C3orf20: variants seen among roughly 807,000 people sequenced by gnomAD.
C3orf20 encodes the protein uncharacterized protein C3orf20.
C3orf20 carries 76 observed loss-of-function variants against 88.3 expected under a neutral mutation model. That is an observed-to-expected ratio of 0.86 (90% CI 0.72 to 1.04). The LOEUF (loss-of-function observed/expected upper bound fraction) is 1.04. Among genes scored for constraint, C3orf20 ranks in the 50% least tolerant of loss-of-function variants. C3orf20 has a pLI of 0.00. For missense variants in C3orf20, 1,056 were observed against 1,123.3 expected (o/e 0.94, Z 0.86); for synonymous variants, 436 against 437.4 (o/e 1.00, Z 0.04).
In C3orf20 at chr3:14,754,257, G is replaced by A. The variant is rs1478521007; in HGVS notation, c.1941-3114G>A. Among the ~76,000 whole-genome samples the A allele has an allele frequency of 3.9e-5, 6 of 152,298 alleles. No homozygotes were observed. In the East Asian group the frequency reaches 1.2e-3, roughly 29 times the overall value. On this transcript the variant is annotated intron_variant, in intron 12 of 16. Transcript: ENST00000253697. ...AAATGCACCTGACAGATGCTTCCCA[G>A]GAGGGACTGCTCCAGCCCTGAGAAT...
chr3:14,762,035 A>G (rs1351984822), intron 15 of C3orf20, among the ~76,000 whole-genome samples: 2 of 152,038 alleles, frequency 1.3e-5, no homozygotes, highest in Non-Finnish European at 2.9e-5. Flanking sequence ...CCCTACCACC[A>G]CCTCATGTGC....
intron 15 of C3orf20, among the ~76,000 whole-genome samples, chr3:14,764,342 G>A (rs985154137): frequency 6.6e-6 from 1 of 152,148 alleles, no homozygotes; most frequent in Non-Finnish European, 1.5e-5. Flanking sequence ...ATAGCCAAGT[G>A]GGTTGATGGT....
intron 4 of C3orf20, among the ~76,000 whole-genome samples, chr3:14,687,519 G>A (rs1291358604): frequency 6.6e-6 from 1 of 152,158 alleles, no homozygotes; most frequent in African/African-American, 2.4e-5. Context: ...GCCAGACAGA[G>A]CTCTGCACCT....
chr3:14,696,989 T>C (rs918978904), intron 5 of C3orf20, among the ~76,000 whole-genome samples: 5 of 152,172 alleles, frequency 3.3e-5, no homozygotes, highest in African/African-American at 1.2e-4. Context: ...TTTAAATATG[T>C]CATGCCACTC....
intron 15 of C3orf20, among the ~76,000 whole-genome samples, 176 bp from the exon 16 acceptor site, chr3:14,771,891 G>T (rs1233730604): frequency 6.6e-6 from 1 of 152,168 alleles, no homozygotes; most frequent in Non-Finnish European, 1.5e-5. Flanking sequence ...TAGAAGCCAG[G>T]GAAGCCAACC....
In C3orf20 at chr3:14,761,569, C is replaced by A; in HGVS notation, c.2449C>A (p.Gln817Lys). ...NLLKQIFRSQQDYKMGYFLPD... is the reference protein window; with the variant it reads ...NLLKQIFRSQKDYKMGYFLPD... ...GCTGAAACAGATCTTCCGGTCTCAA[C>A]AGGATTACAAGATGGGCTACTTCCT... Residue 817 changes from glutamine to lysine, a missense_variant, in exon 15 of 17, where the codon CAG becomes AAG. Physicochemically the swap from Gln to Lys is moderately conservative, Grantham distance 53 (BLOSUM62 1). Transcript: ENST00000253697. The A allele has an allele frequency of 1.2e-6, 2 of 1,614,034 alleles. No homozygotes were observed. The highest frequency in any genetic ancestry group is 1.7e-6 in the Non-Finnish European group (2 of 1,180,024).
In C3orf20 at chr3:14,676,948, C is replaced by A. The variant is rs76767522; in HGVS notation, c.-299+1696C>A. Among the ~76,000 whole-genome samples the A allele has an allele frequency of 1.1e-3, 163 of 152,290 alleles. 1 individual carries two copies. Among genetic ancestry groups the A allele is most frequent in the African/African-American group, 3.7e-3 (155 of 41,556 alleles). Reference sequence around the variant, plus strand: ...CTCTGCCAAGCATCTGTCCAGAATGCTGTTTTATATGCTTAACAGTACAGA... The same window carrying A: ...CTCTGCCAAGCATCTGTCCAGAATGATGTTTTATATGCTTAACAGTACAGA... On this transcript the variant is annotated intron_variant, in intron 1 of 16. Coordinates refer to ENST00000253697, the MANE Select transcript of C3orf20 (RefSeq NM_032137.5).
chr3:14,687,684 A>G (rs2032502296), intron 4 of C3orf20, among the ~76,000 whole-genome samples: 1 of 152,176 alleles, frequency 6.6e-6, no homozygotes, highest in Admixed American at 6.5e-5. Flanking sequence ...CCACCTGAAT[A>G]CCATGTCTCC....
intron 12 of C3orf20, among the ~76,000 whole-genome samples, chr3:14,738,094 G>T (rs1267483527): frequency 7.9e-5 from 12 of 151,376 alleles, no homozygotes; most frequent in African/African-American, 2.7e-4. Flanking sequence ...ATTCGTGAAG[G>T]TTGGAGTCAA....
chr3:14,760,092 G>A (rs578153867), intron 14 of C3orf20, 94 bp downstream of exon 14: 1 of 975,216 alleles, frequency 1.0e-6, no homozygotes, highest in South Asian at 1.3e-5. Context: ...GAGGAGGAGA[G>A]AGGAGAAGAA....
chr3:14,687,982 C>T (rs1353751156), intron 4 of C3orf20, among the ~76,000 whole-genome samples: 3 of 152,144 alleles, frequency 2.0e-5, no homozygotes, highest in Non-Finnish European at 2.9e-5. Context: ...CTGGTGCAGA[C>T]GCTCCTCTCT....
intron 6 of C3orf20, 129 bp from the exon 7 acceptor site, chr3:14,704,208 T>G: frequency 1.1e-6 from 1 of 921,708 alleles, no homozygotes; most frequent in Non-Finnish European, 1.6e-6. Flanking sequence ...GGAGCATGGG[T>G]TGGGGATGTG....
intron 14 of C3orf20, 83 bp from the exon 15 acceptor site, chr3:14,761,390 A>G (rs1314954019): frequency 1.3e-6 from 2 of 1,541,532 alleles, no homozygotes; most frequent in African/African-American, 1.4e-5. Context: ...GTTCTAGTGA[A>G]ATTCCAAACT....
chr3:14,763,540 T>C (rs2035617504), intron 15 of C3orf20, among the ~76,000 whole-genome samples: 2 of 152,200 alleles, frequency 1.3e-5, no homozygotes, highest in Admixed American at 6.5e-5. Flanking sequence ...GCATATCAAT[T>C]TGGGGGGACA....
intron 12 of C3orf20, among the ~76,000 whole-genome samples, chr3:14,732,942 CT>C (rs1306879153): frequency 1.3e-5 from 2 of 151,922 alleles, no homozygotes; most frequent in Non-Finnish European, 2.9e-5. Context: ...TCCAACAGTA[CT>C]TTTTTTTAAA....
chr3:14,725,789 C>A (rs1427360690), intron 10 of C3orf20, among the ~76,000 whole-genome samples: 1 of 151,538 alleles, frequency 6.6e-6, no homozygotes, highest in Non-Finnish European at 1.5e-5. Context: ...TTTTTCCTAC[C>A]TTCTCTATGT....
chr3:14,770,071 G>A (rs1458168882), intron 15 of C3orf20, among the ~76,000 whole-genome samples: 1 of 152,112 alleles, frequency 6.6e-6, no homozygotes, highest in African/African-American at 2.4e-5. Context: ...GGCTCTAGGG[G>A]GGCCCTGGAG....
At chr3:14,747,383 G>A (rs2035087000) in intron 12 of C3orf20, among the ~76,000 whole-genome samples, 1 of 152,140 alleles carries the variant, frequency 6.6e-6, no homozygotes, top group Non-Finnish European at 1.5e-5. Context: ...AACTCCCTGT[G>A]TGGCCCACCC....
intron 7 of C3orf20, among the ~76,000 whole-genome samples, chr3:14,711,283 G>A (rs1485155440): frequency 6.6e-6 from 1 of 152,042 alleles, no homozygotes; most frequent in Non-Finnish European, 1.5e-5. Context: ...AACTATTTTT[G>A]TAGAACTATT....
Sources: gnomAD v4.1 joint callset for allele counts (sites outside exome capture counted in the v4.1 genomes callset) on GRCh38, gnomAD v4.1.1 for gene constraint, MANE v1.5 for transcripts, NCBI Gene and HGNC (gene_info 2026-07-23, HGNC 2026-07-21) for gene names.